The following OR5A1 variants were observed in gnomAD, a reference collection of about 807,000 sequenced individuals.
OR5A1 encodes olfactory receptor 5A1.
In OR5A1, 6 loss-of-function variants were observed where a neutral mutation model predicts 6.7. That is an observed-to-expected ratio of 0.89 (90% CI 0.49 to 1.76). The LOEUF (loss-of-function observed/expected upper bound fraction) is 1.76, where lower values mean the gene tolerates loss of function less well. OR5A1 is among the 40% of genes most tolerant of loss of function. OR5A1 has a pLI of 0.01. For synonymous variants in OR5A1, 170 were observed against 155.0 expected, an observed-to-expected ratio of 1.10 and a Z score of -0.72; for missense variants, 378 against 381.7, an observed-to-expected ratio of 0.99 and a Z score of 0.08.
At chr11:59,442,599 C>T (rs1858493075) in intron 1 of OR5A1, among the ~76,000 whole-genome samples, 1 of 152,154 alleles carries the variant, frequency 6.6e-6, no homozygotes, top group African/African-American at 2.4e-5. Flanking sequence ...TAATCCTTTG[C>T]ATTAAAAACA....
chr11:59,441,980 A>ATAGATAGG (rs1554968757), intron 1 of OR5A1, among the ~76,000 whole-genome samples: 25 of 150,698 alleles, frequency 1.7e-4, no homozygotes, highest in African/African-American at 5.9e-4. Flanking sequence ...AGATAGATAG[A>ATAGATAGG]TAGATAGATG....
chr11:59,442,651 A>G (rs138511866), intron 1 of OR5A1, among the ~76,000 whole-genome samples: 36 of 152,320 alleles, frequency 2.4e-4, no homozygotes, highest in African/African-American at 7.9e-4. Context: ...AGCTGAACCT[A>G]GTTCCGTTGA....
At chr11:59,442,819 A>G (rs1252637341) in intron 1 of OR5A1, among the ~76,000 whole-genome samples, 2 of 152,218 alleles carry the variant, frequency 1.3e-5, no homozygotes, top group African/African-American at 4.8e-5. Context: ...ATTAATTGCT[A>G]TCATCCAGTT....
At chr11:59,442,805 G>A (rs1858495031) in intron 1 of OR5A1, among the ~76,000 whole-genome samples, 1 of 152,190 alleles carries the variant, frequency 6.6e-6, no homozygotes, top group South Asian at 2.1e-4. Context: ...AAACAAATCT[G>A]TGAATTAATT....
At chr11:59,438,519 C>T (rs1037481635) in intron 1 of OR5A1, among the ~76,000 whole-genome samples, 1 of 152,118 alleles carries the variant, frequency 6.6e-6, no homozygotes. Flanking sequence ...AATTTGCTCA[C>T]CGTGATAATC....
chr11:59,443,685 G>A lies in OR5A1; in HGVS notation c.517G>A (p.Gly173Arg), dbSNP rs140829988. Residue 173 changes from glycine to arginine, a missense_variant, in exon 2 of 2, where the codon GGA becomes AGA. Physicochemically the swap from Gly to Arg is moderately radical, Grantham distance 125. Transcript: ENST00000641045. ...CTCCATATTTAGGCTTCACTTTTGCGGACCCAACATCATCAACCACTTCTT... is the reference window on the plus strand; with the variant it reads ...CTCCATATTTAGGCTTCACTTTTGCAGACCCAACATCATCAACCACTTCTT... ...ASSIFRLHFCGPNIINHFFCD... is the reference protein window; with the variant it reads ...ASSIFRLHFCRPNIINHFFCD... 7.1e-5 allele frequency: 114 copies of A among 1,614,002 alleles called. No homozygotes were observed. The highest frequency in any genetic ancestry group is 2.4e-4 in the South Asian group (22 of 91,040).
chr11:59,444,122 GC>G lies in OR5A1; in HGVS notation c.*7del. 2 of 1,582,278 alleles carry G rather than the reference GC, an allele frequency of 1.3e-6. No individual in the cohort carries two copies. Among genetic ancestry groups the G allele is most frequent in the South Asian group, 1.1e-5 (1 of 90,178 alleles). On this transcript the variant is annotated 3_prime_UTR_variant, in exon 2 of 2. Coordinates refer to ENST00000641045, the MANE Select transcript of OR5A1 (RefSeq NM_001004728.2). ...GGAAGAAAGTGTTTTCTTAGGTCAT[GC>G]GTAGAAACTTATTTATCCAAACTGC...
chr11:59,450,041 A>G lies in OR5A1; in HGVS notation c.*5925A>G, dbSNP rs1323133381. 1 of 152,186 alleles carries G rather than the reference A, an allele frequency of 6.6e-6. No homozygotes were observed. Among genetic ancestry groups the G allele is most frequent in the Non-Finnish European group, 1.5e-5 (1 of 68,040 alleles). 9.4% of individuals were successfully genotyped at this position (152,186 alleles called of 1,614,324 possible). A position where few individuals can be genotyped will look rare whatever the true frequency, so the allele number is the denominator to read the frequency against. ...AGCCTCACTATGCAAAGTAAGGTGT[A>G]TGTTCCCCATTTCATGGAATAAGGT... On this transcript the variant is annotated 3_prime_UTR_variant, in exon 2 of 2. Coordinates refer to ENST00000641045, the MANE Select transcript of OR5A1 (RefSeq NM_001004728.2).
chr11:59,443,866 C>T lies in OR5A1; in HGVS notation c.698C>T (p.Ser233Leu). 1 of 1,614,076 alleles carries T rather than the reference C, an allele frequency of 6.2e-7. No individual in the cohort carries two copies. The highest frequency in any genetic ancestry group is 8.5e-7 in the Non-Finnish European group (1 of 1,179,996). The change falls in exon 2 of 2, where the codon TCA becomes TTA. Residue 233 changes from serine (S) to leucine (L), a missense_variant. Ser to Leu is a moderately radical substitution (Grantham distance 145). Coordinates refer to ENST00000641045, the MANE Select transcript of OR5A1 (RefSeq NM_001004728.2). ...YIVSAVLKIP[S>L]AEGRWKACNT... is the part of the protein sequence containing the mutation. ...GTGTCTGCGGTCCTGAAGATCCCTT[C>T]AGCAGAGGGCCGATGGAAAGCCTGC...
intron 1 of OR5A1, among the ~76,000 whole-genome samples, chr11:59,442,916 CA>C (rs1858496300): frequency 6.6e-6 from 1 of 152,078 alleles, no homozygotes. Flanking sequence ...ATTTTGGGTT[CA>C]AAAGTTAGAT....
chr11:59,450,058 G>C lies in OR5A1; in HGVS notation c.*5942G>C, dbSNP rs991652715. On this transcript the variant is annotated 3_prime_UTR_variant, in exon 2 of 2. Transcript: ENST00000641045. Reference sequence around the variant, plus strand: ...TAAGGTGTATGTTCCCCATTTCATGGAATAAGGTCCTGGGGTTCATAAAGG... The same window carrying C: ...TAAGGTGTATGTTCCCCATTTCATGCAATAAGGTCCTGGGGTTCATAAAGG... 6.6e-6 allele frequency: 1 copy of C among 152,182 alleles called. No homozygotes were observed. Among genetic ancestry groups the C allele is most frequent in the Non-Finnish European group, 1.5e-5 (1 of 68,040 alleles). The allele number at this position is 152,182 out of a possible 1,614,324, so 9.4% of individuals were successfully genotyped here. A position where few individuals can be genotyped will look rare whatever the true frequency, so the allele number is the denominator to read the frequency against.
chr11:59,442,636 T>A (rs530752764), intron 1 of OR5A1, among the ~76,000 whole-genome samples: 2 of 152,280 alleles, frequency 1.3e-5, no homozygotes, highest in East Asian at 3.9e-4. Flanking sequence ...GTTTCACAAC[T>A]ACATAGCTGA....
intron 1 of OR5A1, among the ~76,000 whole-genome samples, chr11:59,440,706 T>G (rs9787928): frequency 0.19 from 28,589 of 152,200 alleles, 3,454 homozygotes; most frequent in Non-Finnish European, 0.27. Context: ...CTCTCGATTA[T>G]GCCAAAGTTT....
At chr11:59,442,343 G>A (rs1858490643) in intron 1 of OR5A1, among the ~76,000 whole-genome samples, 1 of 152,220 alleles carries the variant, frequency 6.6e-6, no homozygotes, top group Non-Finnish European at 1.5e-5. Flanking sequence ...TCAGGAGGCT[G>A]AAGCGGGAGA....
chr11:59,448,568 T>C lies in OR5A1; in HGVS notation c.*4452T>C, dbSNP rs1858579690. ...TAAAACATTATATAAATACCAGGGA[T>C]TCCTGTTATTATCAAATGCCACTTC... is the stretch of plus-strand genomic sequence containing the variant. On this transcript the variant is annotated 3_prime_UTR_variant, in exon 2 of 2. Coordinates refer to ENST00000641045, the MANE Select transcript of OR5A1 (RefSeq NM_001004728.2). 1 of 152,226 alleles carries C rather than the reference T, an allele frequency of 6.6e-6. No homozygotes were observed. Among genetic ancestry groups the C allele is most frequent in the South Asian group, 2.1e-4 (1 of 4,816 alleles). The allele number at this position is 152,226 out of a possible 1,614,324, so 9.4% of individuals were successfully genotyped here.
chr11:59,450,860 A>G lies in OR5A1; in HGVS notation c.*6744A>G, dbSNP rs1858608462. 1 of 152,222 alleles carries G rather than the reference A, an allele frequency of 6.6e-6. No homozygotes were observed. Among genetic ancestry groups the G allele is most frequent in the African/African-American group, 2.4e-5 (1 of 41,468 alleles). The allele number at this position is 152,222 out of a possible 1,614,324, so 9.4% of individuals were successfully genotyped here. A position where few individuals can be genotyped will look rare whatever the true frequency, so the allele number is the denominator to read the frequency against. ...GTTATCACTTTGAATGTCTGCAAAT[A>G]CTTAATTGTACTATTGTGCCATATT... is the stretch of plus-strand genomic sequence containing the variant. On this transcript the variant is annotated 3_prime_UTR_variant, in exon 2 of 2. Coordinates refer to ENST00000641045, the MANE Select transcript of OR5A1 (RefSeq NM_001004728.2).
chr11:59,441,946 A>AGAT (rs1159409467), intron 1 of OR5A1, among the ~76,000 whole-genome samples: 9 of 83,616 alleles, frequency 1.1e-4, no homozygotes, highest in African/African-American at 4.6e-4. Context: ...GATGATAGAT[A>AGAT]GATAGATAGA....
Position 59,451,275 on chromosome 11 carries a change from TA to T in OR5A1, c.*7160del, listed in dbSNP as rs1858612208. ...TTTTTTAATAGAGACAGGATCTTCCTATGTTGCCCAGGCTGGTCTCAAACTC... is the reference window on the plus strand; with the variant it reads ...TTTTTTAATAGAGACAGGATCTTCCTTGTTGCCCAGGCTGGTCTCAAACTC... On this transcript the variant is annotated 3_prime_UTR_variant, in exon 2 of 2. Coordinates refer to ENST00000641045, the MANE Select transcript of OR5A1 (RefSeq NM_001004728.2). 1 of 152,184 alleles carries T rather than the reference TA, an allele frequency of 6.6e-6. No homozygotes were observed. Among genetic ancestry groups the T allele is most frequent in the East Asian group, 1.9e-4 (1 of 5,200 alleles). 9.4% of individuals were successfully genotyped at this position (152,184 alleles called of 1,614,324 possible).
chr11:59,436,997 C>CT, intron 1 of OR5A1, among the ~76,000 whole-genome samples, 162 bp downstream of exon 1: 1 of 152,222 alleles, frequency 6.6e-6, no homozygotes, highest in East Asian at 1.9e-4. Context: ...TCAGCCAAAT[C>CT]TTTTTTTGTA....
Sources: allele counts gnomAD v4.1 joint callset (sites outside exome capture counted in the v4.1 genomes callset), GRCh38; gene constraint gnomAD v4.1.1; transcripts MANE v1.5; gene names NCBI Gene and HGNC (gene_info 2026-07-23, HGNC 2026-07-21).